AGTPBP1: variants seen among roughly 807,000 people sequenced by gnomAD.
AGTPBP1 encodes the protein ATP/GTP binding carboxypeptidase 1, also known as cytosolic carboxypeptidase 1.
In AGTPBP1, 70 loss-of-function variants were observed where a neutral mutation model predicts 143.9. The ratio of observed to expected loss-of-function variants is 0.49; its 90% CI spans 0.40 to 0.59. AGTPBP1 has a LOEUF of 0.59. Among genes scored for constraint, AGTPBP1 ranks in the 20% least tolerant of loss-of-function variants. The pLI, the probability that AGTPBP1 is intolerant of heterozygous loss-of-function variation, is 0.00. For synonymous variants in AGTPBP1, 463 were observed against 500.2 expected (o/e 0.93, Z 0.99); for missense variants, 1,229 against 1,464.5 (o/e 0.84, Z 2.62).
At chr9:85,548,675 G>T (rs10114855) in intron 25 of AGTPBP1, among the ~76,000 whole-genome samples, 20,436 of 136,718 alleles carry the variant, frequency 0.15, 2,030 homozygotes, top group East Asian at 0.47. Context: ...GTTTTTTTTT[G>T]TTTTTGTTTT....
intron 4 of AGTPBP1, among the ~76,000 whole-genome samples, chr9:85,680,484 T>C (rs1349289660): frequency 2.0e-5 from 3 of 151,996 alleles, no homozygotes; most frequent in East Asian, 1.9e-4. Flanking sequence ...CTTGGGATGC[T>C]GAGGCAGGAA....
At chr9:85,744,670 G>A (rs1824561089), upstream of AGTPBP1, among the ~76,000 whole-genome samples, 1 of 152,184 alleles carries the variant, frequency 6.6e-6, no homozygotes, top group Non-Finnish European at 1.5e-5. Context: ...CCCTATTTGT[G>A]TAAGGCGCAA....
chr9:85,786,613 A>C, the AGTPBP1 span: 34 of 1,554,764 alleles, frequency 2.2e-5, no homozygotes, highest in South Asian at 3.8e-4. Context: ...GTAGATATGT[A>C]AAAAGATTCC....
chr9:85,660,813 C>A (rs1183195561), intron 9 of AGTPBP1, 123 bp downstream of exon 9: 1 of 713,172 alleles, frequency 1.4e-6, no homozygotes, highest in South Asian at 2.3e-5. Flanking sequence ...TCAATTTTGA[C>A]ATTAGAATAT....
chr9:85,796,059 G>A, the AGTPBP1 span, among the ~76,000 whole-genome samples: 1 of 151,920 alleles, frequency 6.6e-6, no homozygotes, highest in African/African-American at 2.4e-5. Context: ...ATGGATAATT[G>A]AGGTACCAGA....
chr9:85,577,045 A>C (rs1827941095), intron 24 of AGTPBP1, among the ~76,000 whole-genome samples: 1 of 152,162 alleles, frequency 6.6e-6, no homozygotes, highest in African/African-American at 2.4e-5. Flanking sequence ...TATGTTTCAA[A>C]ATATATCTTA....
Position 85,639,907 on chromosome 9 carries a change from G to A in AGTPBP1, c.1302+2920C>T, listed in dbSNP as rs566661676. Among the ~76,000 whole-genome samples, 8 of 152,246 alleles carry A rather than the reference G, an allele frequency of 5.3e-5. No homozygotes were observed. The South Asian group carries it at 8.3e-4, about 16-fold the overall frequency. ...GATAATTACTTTAATAATACCATAC[G>A]TTGCCTTCGAACAGCATTCATTTTC... On this transcript the variant is annotated intron_variant, in intron 13 of 25. Coordinates refer to ENST00000357081, the MANE Select transcript of AGTPBP1 (RefSeq NM_001330701.2).
At chr9:85,753,290 A>G in the AGTPBP1 span, 1 of 1,613,360 alleles carries the variant, frequency 6.2e-7, no homozygotes, top group Non-Finnish European at 8.5e-7. Context: ...GGTGTTTTCA[A>G]TTTCTTTTTC....
At chr9:85,589,325 A>T (rs1376425648) in intron 20 of AGTPBP1, among the ~76,000 whole-genome samples, 2 of 152,152 alleles carry the variant, frequency 1.3e-5, no homozygotes, top group Non-Finnish European at 2.9e-5. Flanking sequence ...CTCAGAGAAC[A>T]TCTCATGTAG....
At chr9:85,678,282 A>ATTGT in intron 5 of AGTPBP1, 53 bp downstream of exon 5, 1 of 1,244,324 alleles carries the variant, frequency 8.0e-7, no homozygotes, top group Non-Finnish European at 1.2e-6. Context: ...AATACGATAC[A>ATTGT]TTGTTGATCA....
the AGTPBP1 span, among the ~76,000 whole-genome samples, chr9:85,797,732 A>T: frequency 6.6e-6 from 1 of 152,098 alleles, no homozygotes; most frequent in South Asian, 2.1e-4. Context: ...AAAAAAAATC[A>T]CAAAAAAGTA....
At chr9:85,548,566 A>C (rs1385147561) in intron 25 of AGTPBP1, among the ~76,000 whole-genome samples, 1 of 152,212 alleles carries the variant, frequency 6.6e-6, no homozygotes, top group African/African-American at 2.4e-5. Flanking sequence ...TCAGGAGAAC[A>C]ATTTCACAGT....
chr9:85,575,533 G>A lies in AGTPBP1; in HGVS notation c.3343-58C>T, dbSNP rs565366678. On this transcript the variant is annotated intron_variant, in intron 24 of 25. Coordinates refer to ENST00000357081, the MANE Select transcript of AGTPBP1 (RefSeq NM_001330701.2). Reference sequence around the variant, plus strand: ...CAAAGTTTGCTATCTTCTGGATACAGCTCAATGAAATTATATAAAAAGAAT... The same window carrying A: ...CAAAGTTTGCTATCTTCTGGATACAACTCAATGAAATTATATAAAAAGAAT... 26 of 1,385,804 alleles carry A rather than the reference G, an allele frequency of 1.9e-5. No individual in the cohort carries two copies. The East Asian group carries it at 4.2e-4, about 22-fold the overall frequency. The allele number at this position is 1,385,804 out of a possible 1,614,324, so 85.8% of individuals were successfully genotyped here.
the AGTPBP1 span, among the ~76,000 whole-genome samples, chr9:85,774,572 A>C: frequency 6.6e-6 from 1 of 152,218 alleles, no homozygotes; most frequent in Non-Finnish European, 1.5e-5. Context: ...GTTCACCACC[A>C]ACTCTGATAG....
chr9:85,603,437 G>A (rs894059473), intron 17 of AGTPBP1, among the ~76,000 whole-genome samples: 2 of 152,012 alleles, frequency 1.3e-5, no homozygotes, highest in Non-Finnish European at 2.9e-5. Flanking sequence ...TGCCTTAAAG[G>A]GAACAACCCA....
the AGTPBP1 span, among the ~76,000 whole-genome samples, chr9:85,766,333 A>G: frequency 6.6e-6 from 1 of 152,192 alleles, no homozygotes; most frequent in Non-Finnish European, 1.5e-5. Flanking sequence ...AGGCAGCCTC[A>G]GTAGATCAGA....
At chr9:85,728,972 A>G (rs1269159331) in intron 1 of AGTPBP1, among the ~76,000 whole-genome samples, 32 of 152,192 alleles carry the variant, frequency 2.1e-4, no homozygotes, top group Admixed American at 2.1e-3. Context: ...CTTTTAATTA[A>G]AAGTAATGGC....
chr9:85,753,505 G>C, the AGTPBP1 span: 1 of 1,545,170 alleles, frequency 6.5e-7, no homozygotes, highest in Non-Finnish European at 8.8e-7. Flanking sequence ...TGTAATCCTA[G>C]CACTTTGGGA....
chr9:85,663,464 C>T (rs977083484), intron 8 of AGTPBP1, among the ~76,000 whole-genome samples: 8 of 151,970 alleles, frequency 5.3e-5, no homozygotes, highest in Non-Finnish European at 8.8e-5. Context: ...CAAACTATTT[C>T]CAACTAACTT....
Sources: gnomAD v4.1 joint callset for allele counts (sites outside exome capture counted in the v4.1 genomes callset) on GRCh38, gnomAD v4.1.1 for gene constraint, MANE v1.5 for transcripts, NCBI Gene and HGNC (gene_info 2026-07-23, HGNC 2026-07-21) for gene names.